The following ALPK3 variants were observed in gnomAD, a reference collection of about 807,000 sequenced individuals.
ALPK3 encodes the protein alpha-protein kinase 3.
In ALPK3, 102 loss-of-function variants were observed where a neutral mutation model predicts 140.0. The observed-to-expected ratio is 0.73, with a 90% CI of 0.62 to 0.86. The LOEUF (loss-of-function observed/expected upper bound fraction) is 0.86, where lower values mean the gene tolerates loss of function less well. ALPK3 is among the 40% of genes least tolerant of loss of function. The pLI, the probability that ALPK3 is intolerant of heterozygous loss-of-function variation, is 0.00. For missense variants in ALPK3, 2,254 were observed against 2,208.2 expected (o/e 1.02, Z -0.42); for synonymous variants, 938 against 898.5 (o/e 1.04, Z -0.79).
chr15:84,853,739 C>T (rs1382721870), intron 5 of ALPK3, among the ~76,000 whole-genome samples: 3 of 151,462 alleles, frequency 2.0e-5, no homozygotes, highest in Non-Finnish European at 4.4e-5. Flanking sequence ...CACTGCATGC[C>T]AGTCTGGGCA....
rs1186081856 is a variant in ALPK3 at position 84,871,730 on chromosome 15, T to C, written c.*3274T>C. ...CCATAGTTGAATTTTCAACAAACCA[T>C]TTCACCACCCTCTCAAGACAGCTGC... On this transcript the variant is annotated 3_prime_UTR_variant, in exon 14 of 14. Coordinates refer to ENST00000258888, the MANE Select transcript of ALPK3 (RefSeq NM_020778.5). 1.3e-5 allele frequency: 2 copies of C among 152,178 alleles called. No individual in the cohort carries two copies. The highest frequency in any genetic ancestry group is 2.4e-5 in the African/African-American group (1 of 41,442). 9.4% of individuals were successfully genotyped at this position (152,178 alleles called of 1,614,324 possible).
intron 9 of ALPK3, among the ~76,000 whole-genome samples, chr15:84,861,466 T>A (rs564811690): frequency 6.6e-6 from 1 of 152,356 alleles, no homozygotes; most frequent in East Asian, 1.9e-4. Context: ...CTTTTAGTAA[T>A]GTTAAGGTTG....
At chr15:84,850,028 C>T (rs1161052915) in intron 5 of ALPK3, among the ~76,000 whole-genome samples, 1 of 135,976 alleles carries the variant, frequency 7.4e-6, no homozygotes, top group African/African-American at 2.7e-5. Flanking sequence ...ACACAAAATA[C>T]AAGTATTAAG....
intron 1 of ALPK3, among the ~76,000 whole-genome samples, 173 bp from the exon 2 acceptor site, chr15:84,823,157 C>T (rs188247684): frequency 1.3e-5 from 2 of 152,294 alleles, no homozygotes; most frequent in East Asian, 1.9e-4. Context: ...CATTGGTGTC[C>T]GGTGGTCAGG....
Position 84,873,325 on chromosome 15 carries a change from T to C in ALPK3, c.*4869T>C, listed in dbSNP as rs1964097649. The C allele has an allele frequency of 6.6e-6, 1 of 152,182 alleles. No individual in the cohort carries two copies. The highest frequency in any genetic ancestry group is 2.4e-5 in the African/African-American group (1 of 41,444). 9.4% of individuals were successfully genotyped at this position (152,182 alleles called of 1,614,324 possible). On this transcript the variant is annotated 3_prime_UTR_variant, in exon 14 of 14. Transcript: ENST00000258888. ...CTGCCTTTCTTGGATGTTTGGTCTT[T>C]TGATATAATTTAGCATGGGCCAACA...
At chr15:84,854,029 C>T (rs886805723) in intron 5 of ALPK3, among the ~76,000 whole-genome samples, 5 of 151,868 alleles carry the variant, frequency 3.3e-5, no homozygotes, top group Non-Finnish European at 7.4e-5. Context: ...ATTTGAAAAA[C>T]AGAAAATTCC....
rs770190564 is a variant in ALPK3, at chr15:84,840,687, T to C, written c.1408T>C (p.Leu470=). 2.4e-5 allele frequency: 38 copies of C among 1,606,108 alleles called. No homozygotes were observed. The highest frequency in any genetic ancestry group is 2.3e-4 in the African/African-American group (17 of 74,718). The change falls in exon 5 of 14, where the codon TTG becomes CTG. Residue 470 remains leucine (L), a synonymous_variant. Coordinates refer to ENST00000258888, the MANE Select transcript of ALPK3 (RefSeq NM_020778.5). ...PGAPGQPTHS[L]TPQPTRPFNR... Reference sequence around the variant, plus strand: ...CGCTCCTGGCCAGCCCACACACTCCTTGACCCCCCAGCCGACTAGGCCTTT... The same window carrying C: ...CGCTCCTGGCCAGCCCACACACTCCCTGACCCCCCAGCCGACTAGGCCTTT...
At chr15:84,847,208 GGAGAGAGA>G (rs55944419) in intron 5 of ALPK3, among the ~76,000 whole-genome samples, 9,061 of 116,410 alleles carry the variant, frequency 0.078, 358 homozygotes, top group Non-Finnish European at 0.09. Flanking sequence ...GGAGAAACGG[GGAGAGAGA>G]GAGAGAGAGA....
In ALPK3 at chr15:84,863,726, G is replaced by A. The variant is rs749819046; in HGVS notation, c.4499+86G>A. On this transcript the variant is annotated intron_variant, in intron 11 of 13. Coordinates refer to ENST00000258888, the MANE Select transcript of ALPK3 (RefSeq NM_020778.5). ...GACAGTGATTTCACAGCCTCCCAGG[G>A]GCATCCTGCGTTATGCCCATGTGCA... 55 of 1,335,138 alleles carry A rather than the reference G, an allele frequency of 4.1e-5. 1 individual carries two copies. Among genetic ancestry groups the A allele is most frequent in the Non-Finnish European group, 5.6e-5 (55 of 975,136 alleles). The allele number at this position is 1,335,138 out of a possible 1,614,324, so 82.7% of individuals were successfully genotyped here. A position where few individuals can be genotyped will look rare whatever the true frequency, so the allele number is the denominator to read the frequency against.
At chr15:84,852,397 C>T (rs371734471) in intron 5 of ALPK3, 111 of 170,124 alleles carry the variant, frequency 6.5e-4, no homozygotes, top group Middle Eastern at 5.4e-3. Flanking sequence ...CTGCTCAGAA[C>T]AGTGCAAAGT....
rs1330517257 is a variant in ALPK3, at chr15:84,859,355, C to A, written c.3930C>A (p.Ala1310=). ...NILSDSVLTW[A]KDQRPVGEVG... is the part of the protein sequence containing the mutation. ...TTAGTGACTCAGTCTTGACATGGGC[C>A]AAGGATCAGCGCCCAGTGGGCGAGG... Residue 1310 remains alanine (A), a synonymous_variant, in exon 7 of 14, where the codon GCC becomes GCA. Coordinates refer to ENST00000258888, the MANE Select transcript of ALPK3 (RefSeq NM_020778.5). The A allele has an allele frequency of 6.2e-7, 1 of 1,614,032 alleles. No individual in the cohort carries two copies. The highest frequency in any genetic ancestry group is 1.7e-5 in the Admixed American group (1 of 60,002).
intron 3 of ALPK3, among the ~76,000 whole-genome samples, chr15:84,833,110 T>C (rs1963561027): frequency 6.6e-6 from 1 of 152,206 alleles, no homozygotes; most frequent in Non-Finnish European, 1.5e-5. Flanking sequence ...TGATATATGG[T>C]TGTATATCAC....
intron 3 of ALPK3, among the ~76,000 whole-genome samples, chr15:84,831,806 A>AGGGT (rs1963548051): frequency 6.6e-6 from 1 of 152,188 alleles, no homozygotes; most frequent in African/African-American, 2.4e-5. Flanking sequence ...TGTTTACTGT[A>AGGGT]GGGTGACCTA....
At position 84,839,688 on chromosome 15, in the gene ALPK3, G is replaced by C; in HGVS notation, c.423-14G>C. 6.3e-7 allele frequency: 1 copy of C among 1,583,576 alleles called. No homozygotes were observed. The highest frequency in any genetic ancestry group is 1.3e-5 in the African/African-American group (1 of 74,556). On this transcript the variant is annotated splice_polypyrimidine_tract_variant and intron_variant, in intron 4 of 13. Coordinates refer to ENST00000258888, the MANE Select transcript of ALPK3 (RefSeq NM_020778.5). ...CAGGAGGGGAGAGGTGGCACCTCCCGCTCCTACCTCTAGGTGTCGAGAAGA... is the reference window on the plus strand; with the variant it reads ...CAGGAGGGGAGAGGTGGCACCTCCCCCTCCTACCTCTAGGTGTCGAGAAGA...
At chr15:84,848,962 A>G in intron 5 of ALPK3, among the ~76,000 whole-genome samples, 1 of 151,968 alleles carries the variant, frequency 6.6e-6, no homozygotes, top group Admixed American at 6.6e-5. Context: ...ACCAACATGG[A>G]GAAAACCCAT....
rs1300751085 is a variant in ALPK3 at position 84,856,920 on chromosome 15, G to A, written c.2182G>A (p.Val728Met). ...TAMEGQSEQE[V>M]ATSLGPPSRT... Reference sequence around the variant, plus strand: ...CATGGAAGGTCAGTCTGAGCAAGAGGTGGCAACCAGCCTCGGCCCACCATC... The same window carrying A: ...CATGGAAGGTCAGTCTGAGCAAGAGATGGCAACCAGCCTCGGCCCACCATC... Residue 728 changes from valine to methionine, a missense_variant, in exon 6 of 14, where the codon GTG becomes ATG. By Grantham distance (21) the Val-to-Met change is conservative. Around this residue, in one of 3 missense-constraint regions of ALPK3, gnomAD observed 2,088 missense variants for 2,022.9 expected, o/e 1.03. Coordinates refer to ENST00000258888, the MANE Select transcript of ALPK3 (RefSeq NM_020778.5). The A allele has an allele frequency of 2.5e-6, 4 of 1,614,062 alleles. No homozygotes were observed. In the South Asian group the frequency reaches 4.4e-5, roughly 18 times the overall value.
At chr15:84,853,996 T>C (rs1567092809) in intron 5 of ALPK3, among the ~76,000 whole-genome samples, 3 of 152,018 alleles carry the variant, frequency 2.0e-5, no homozygotes, top group Admixed American at 6.6e-5. Flanking sequence ...TTTTAAAATA[T>C]AAAATAAATT....
In ALPK3 at chr15:84,857,690, G is replaced by T; in HGVS notation, c.2952G>T (p.Val984=). Residue 984 remains valine (V), a synonymous_variant, in exon 6 of 14, where the codon GTG becomes GTT. Transcript: ENST00000258888. ...GTGGAGCAGGGGGAGAGTCCCAGGTGGGGGCAGCCACCGGAGGTCTGGTGC... is the reference window on the plus strand; with the variant it reads ...GTGGAGCAGGGGGAGAGTCCCAGGTTGGGGCAGCCACCGGAGGTCTGGTGC... ...ETSGAGGESQ[V]GAATGGLVPS... is the part of the protein sequence containing the mutation. 6.2e-7 allele frequency: 1 copy of T among 1,610,504 alleles called. No individual in the cohort carries two copies. Among genetic ancestry groups the T allele is most frequent in the Non-Finnish European group, 8.5e-7 (1 of 1,177,538 alleles).
At chr15:84,834,989 G>A (rs1032302680) in intron 3 of ALPK3, among the ~76,000 whole-genome samples, 4 of 152,276 alleles carry the variant, frequency 2.6e-5, no homozygotes, top group African/African-American at 4.8e-5. Flanking sequence ...CCCCCACTGT[G>A]TAGAGGCAGC....
Sources: gnomAD v4.1 joint callset for allele counts (sites outside exome capture counted in the v4.1 genomes callset) on GRCh38, gnomAD v4.1.1 for gene constraint, gnomAD v4.1.1 regional missense constraint, MANE v1.5 for transcripts, NCBI Gene and HGNC (gene_info 2026-07-23, HGNC 2026-07-21) for gene names.